Variants in SPAG16 observed in about 807,000 individuals in gnomAD.
SPAG16 encodes sperm associated antigen 16.
A neutral mutation model predicts 80.4 loss-of-function variants in SPAG16; 86 were observed. The observed-to-expected ratio is 1.07, with a 90% confidence interval of 0.90 to 1.28. The LOEUF is 1.28. SPAG16 is among the 50% of genes most tolerant of loss of function. The pLI, the probability that SPAG16 is intolerant of heterozygous loss-of-function variation, is 0.00. For synonymous variants in SPAG16, 294 were observed against 265.9 expected (o/e 1.11, Z -1.03); for missense variants, 870 against 765.3 (o/e 1.14, Z -1.61).
intron 9 of SPAG16, among the ~76,000 whole-genome samples, chr2:213,382,845 A>G (rs1443930062): frequency 6.6e-6 from 1 of 152,192 alleles, no homozygotes; most frequent in Non-Finnish European, 1.5e-5. Flanking sequence ...TTAGTTTGAC[A>G]GAGAATAGGG....
intron 15 of SPAG16, among the ~76,000 whole-genome samples, chr2:214,391,562 G>A (rs1327242619): frequency 1.3e-5 from 2 of 152,112 alleles, no homozygotes; most frequent in African/African-American, 4.8e-5. Context: ...AAGGAAATGG[G>A]TAGAAACACA....
chr2:213,687,061 G>C (rs1455989904), intron 10 of SPAG16, among the ~76,000 whole-genome samples: 1 of 151,582 alleles, frequency 6.6e-6, no homozygotes, highest in Admixed American at 6.6e-5. Flanking sequence ...CTTTCTTTAG[G>C]ATTATTTTTA....
chr2:213,654,744 A>G (rs1314618655), intron 10 of SPAG16, among the ~76,000 whole-genome samples: 1 of 151,912 alleles, frequency 6.6e-6, no homozygotes, highest in African/African-American at 2.4e-5. Flanking sequence ...AGAAGTTTCA[A>G]TGTAAAGGAA....
At chr2:213,950,422 C>CA (rs1304473352) in intron 12 of SPAG16, among the ~76,000 whole-genome samples, 2 of 152,124 alleles carry the variant, frequency 1.3e-5, no homozygotes, top group African/African-American at 4.8e-5. Context: ...TCTCACATCT[C>CA]ATGTTTAAGC....
intron 15 of SPAG16, among the ~76,000 whole-genome samples, chr2:214,246,065 G>T (rs1689821605): frequency 6.6e-6 from 1 of 151,860 alleles, no homozygotes; most frequent in Admixed American, 6.6e-5. Context: ...AATTCCCAAG[G>T]ATACAACTTA....
intron 15 of SPAG16, among the ~76,000 whole-genome samples, chr2:214,312,269 G>A (rs367939248): frequency 6.6e-6 from 1 of 152,302 alleles, no homozygotes; most frequent in Non-Finnish European, 1.5e-5. Flanking sequence ...GGGTGAGTTA[G>A]TAATTTTTAG....
chr2:214,360,150 T>C (rs1313693999), intron 15 of SPAG16, among the ~76,000 whole-genome samples: 3 of 151,894 alleles, frequency 2.0e-5, no homozygotes, highest in African/African-American at 7.2e-5. Flanking sequence ...TAATATGAGA[T>C]GAATTATAAT....
At chr2:213,731,176 G>GTTTT (rs2067020291) in intron 10 of SPAG16, among the ~76,000 whole-genome samples, 18 of 130,164 alleles carry the variant, frequency 1.4e-4, no homozygotes, top group South Asian at 2.4e-4. Flanking sequence ...TTTTTTTTGA[G>GTTTT]TTGGAGTTTT....
chr2:213,744,794 G>A (rs1161445547), intron 10 of SPAG16, among the ~76,000 whole-genome samples: 2 of 152,162 alleles, frequency 1.3e-5, no homozygotes, highest in Non-Finnish European at 2.9e-5. Context: ...TTGGCATATG[G>A]TGGTTTAAAT....
intron 9 of SPAG16, among the ~76,000 whole-genome samples, chr2:213,404,527 C>G (rs1327148096): frequency 6.6e-6 from 1 of 152,152 alleles, no homozygotes; most frequent in East Asian, 1.9e-4. Context: ...GAAACTGGAT[C>G]CCTTCCTCAC....
chr2:213,928,078 A>ATCTTC (rs2078570301), intron 11 of SPAG16, among the ~76,000 whole-genome samples: 1 of 151,990 alleles, frequency 6.6e-6, no homozygotes, highest in African/African-American at 2.4e-5. Context: ...AATCAATTGG[A>ATCTTC]TCTTCTCTTC....
intron 13 of SPAG16, among the ~76,000 whole-genome samples, chr2:214,085,431 A>C (rs1413158298): frequency 2.2e-5 from 3 of 136,282 alleles, no homozygotes; most frequent in Admixed American, 7.6e-5. Flanking sequence ...AAAGAGAGTT[A>C]TCATGAAAGT....
At chr2:213,910,719 A>C (rs1339731295) in intron 11 of SPAG16, among the ~76,000 whole-genome samples, 2 of 127,874 alleles carry the variant, frequency 1.6e-5, no homozygotes, top group Admixed American at 1.7e-4. Flanking sequence ...CGATCTCCTG[A>C]CCTCGTGATC....
chr2:213,480,420 T>G (rs1342705218), intron 9 of SPAG16, among the ~76,000 whole-genome samples: 1 of 152,212 alleles, frequency 6.6e-6, no homozygotes, highest in Non-Finnish European at 1.5e-5. Context: ...GGAAGCAGAT[T>G]AAAGCAGGGA....
intron 10 of SPAG16, among the ~76,000 whole-genome samples, chr2:213,668,481 T>A (rs6760140): frequency 0.34 from 51,277 of 151,996 alleles, 8,907 homozygotes; most frequent in Middle Eastern, 0.45. Context: ...GGTAAAGTAA[T>A]TTTTTTACAG....
chr2:214,321,820 G>A (rs955970878), intron 15 of SPAG16, among the ~76,000 whole-genome samples: 3 of 152,086 alleles, frequency 2.0e-5, no homozygotes, highest in Non-Finnish European at 2.9e-5. Context: ...ATTCAAAACA[G>A]TTTCAAAGTC....
At chr2:214,162,885 C>G (rs1249664929) in intron 15 of SPAG16, among the ~76,000 whole-genome samples, 1 of 152,062 alleles carries the variant, frequency 6.6e-6, no homozygotes, top group Non-Finnish European at 1.5e-5. Flanking sequence ...TTAAGTTCAT[C>G]TTCTATGCAA....
At chr2:213,618,041 A>G (rs1416902669) in intron 10 of SPAG16, among the ~76,000 whole-genome samples, 1 of 152,220 alleles carries the variant, frequency 6.6e-6, no homozygotes, top group Non-Finnish European at 1.5e-5. Context: ...GTTTAATTCA[A>G]TAACTTGTTT....
At chr2:214,174,931 A>C (rs2057018338) in intron 15 of SPAG16, among the ~76,000 whole-genome samples, 2 of 151,696 alleles carry the variant, frequency 1.3e-5, no homozygotes, top group African/African-American at 4.8e-5. Flanking sequence ...CCTAGATAAA[A>C]AGGAGACTGA....
Sources: allele counts gnomAD v4.1 joint callset (sites outside exome capture counted in the v4.1 genomes callset), GRCh38; gene constraint gnomAD v4.1.1; transcripts MANE v1.5; gene names NCBI Gene and HGNC (gene_info 2026-07-23, HGNC 2026-07-21).